GNA15: variants seen among roughly 807,000 people sequenced by gnomAD.
The protein encoded by GNA15 is guanine nucleotide-binding protein subunit alpha-15.
GNA15 carries 23 observed loss-of-function variants against 40.1 expected under a neutral mutation model. The observed-to-expected ratio is 0.57, with a 90% CI of 0.41 to 0.81. The LOEUF is 0.81. Ranked by LOEUF, GNA15 falls within the 40% of genes least tolerant of loss-of-function variation. The probability of loss-of-function intolerance (pLI) is 0.00; values close to 1 mark genes in which losing one functional copy is unlikely to be tolerated. For synonymous variants in GNA15, 226 were observed against 210.4 expected (o/e 1.07, Z -0.64); for missense variants, 522 against 515.8 (o/e 1.01, Z -0.12).
chr19:3,138,174 G>A (rs1914494401), intron 1 of GNA15, among the ~76,000 whole-genome samples: 1 of 152,094 alleles, frequency 6.6e-6, no homozygotes, highest in South Asian at 2.1e-4. Flanking sequence ...GCTGAGGCAG[G>A]AGAATCGCTT....
intron 6 of GNA15, among the ~76,000 whole-genome samples, chr19:3,161,511 C>T (rs1293344652): frequency 2.0e-5 from 3 of 152,144 alleles, no homozygotes; most frequent in Non-Finnish European, 4.4e-5. Context: ...GCCAATTATA[C>T]CCACAAGATT....
chr19:3,144,739 A>G (rs182833854), intron 1 of GNA15, among the ~76,000 whole-genome samples: 16,508 of 151,508 alleles, frequency 0.11, 948 homozygotes, highest in South Asian at 0.14. Flanking sequence ...CGTGTTAGCC[A>G]GGATGGTCTC....
chr19:3,137,503 G>A (rs2144836947), intron 1 of GNA15, among the ~76,000 whole-genome samples: 1 of 152,238 alleles, frequency 6.6e-6, no homozygotes, highest in East Asian at 1.9e-4. Flanking sequence ...CCAAAAATTT[G>A]CCAGGCATGG....
rs1915060376 is a variant in GNA15 at position 3,157,720 on chromosome 19, C to G, written c.745-8C>G. The G allele has an allele frequency of 6.2e-7, 1 of 1,612,610 alleles. No homozygotes were observed. Among genetic ancestry groups the G allele is most frequent in the Admixed American group, 1.7e-5 (1 of 59,940 alleles). ...TGAAGCACTAACCTGCTTCTGCCCC[C>G]AACACAGAACCGCATGAAGGAGAGC... is the stretch of plus-strand genomic sequence containing the variant. On this transcript the variant is annotated splice_polypyrimidine_tract_variant and splice_region_variant and intron_variant, in intron 5 of 6. Transcript: ENST00000262958.
chr19:3,162,304 G>T (rs924431310), intron 6 of GNA15, among the ~76,000 whole-genome samples: 1 of 151,840 alleles, frequency 6.6e-6, no homozygotes, highest in Non-Finnish European at 1.5e-5. Flanking sequence ...CCTGGGCATG[G>T]TGGCAGGCGC....
intron 6 of GNA15, among the ~76,000 whole-genome samples, chr19:3,158,953 C>G (rs537129931): frequency 6.6e-6 from 1 of 151,304 alleles, no homozygotes; most frequent in East Asian, 2.0e-4. Flanking sequence ...TTTTTCTAAT[C>G]TTTCATAGTG....
At chr19:3,148,867 TCAGGGCAGGG>T (rs201896289) in intron 2 of GNA15, 92 bp downstream of exon 2, 16 of 1,200,172 alleles carry the variant, frequency 1.3e-5, no homozygotes, top group African/African-American at 4.4e-5. Flanking sequence ...TCCCCAGACT[TCAGGGCAGGG>T]CAGGGCAGGG....
chr19:3,137,953 T>G (rs1488365490), intron 1 of GNA15, among the ~76,000 whole-genome samples: 1 of 151,452 alleles, frequency 6.6e-6, no homozygotes, highest in Non-Finnish European at 1.5e-5. Context: ...AGAGCAAGAC[T>G]CATTGTCAAT....
chr19:3,157,600 T>TCAGCCC (rs1915057421), intron 5 of GNA15, 128 bp from the exon 6 acceptor site: 1 of 768,178 alleles, frequency 1.3e-6, no homozygotes, highest in Admixed American at 2.4e-5. Flanking sequence ...CACACCCGCC[T>TCAGCCC]CAGCCCCAGC....
intron 1 of GNA15, among the ~76,000 whole-genome samples, chr19:3,143,673 A>AAT (rs1914629655): frequency 1.3e-5 from 2 of 151,810 alleles, no homozygotes; most frequent in Middle Eastern, 3.4e-3. Flanking sequence ...ATAATAATAA[A>AAT]AAATAAAAGC....
chr19:3,140,326 C>G (rs1381291841), intron 1 of GNA15, among the ~76,000 whole-genome samples: 1 of 152,130 alleles, frequency 6.6e-6, no homozygotes, highest in Admixed American at 6.6e-5. Context: ...GATGTCCTCT[C>G]TTTTGCTCTT....
chr19:3,140,275 C>A (rs191425888), intron 1 of GNA15, among the ~76,000 whole-genome samples: 1 of 152,092 alleles, frequency 6.6e-6, no homozygotes, highest in South Asian at 2.1e-4. Context: ...ACATTTATAA[C>A]GTTCCCTTGT....
Position 3,155,846 on chromosome 19 carries a change from A to C in GNA15, c.638A>C (p.Lys213Thr). 6.2e-7 allele frequency: 1 copy of C among 1,613,898 alleles called. No homozygotes were observed. The highest frequency in any genetic ancestry group is 8.5e-7 in the Non-Finnish European group (1 of 1,180,006). Residue 213 changes from lysine (K) to threonine (T), a missense_variant, in exon 5 of 7, where the codon AAG (lysine) becomes ACG (threonine). By Grantham distance (78) the Lys-to-Thr change is moderately conservative. Transcript: ENST00000262958. The surrounding 1 kb of genome is among the most constrained non-coding windows in gnomAD (Gnocchi z 5.6). ...NLRIVDVGGQ[K>T]SERKKWIHCF... is the part of the protein sequence containing the mutation. ...AGGATCGTGGACGTCGGGGGCCAGAAGTCAGAGCGTAAGAAATGGATCCAT... is the reference window on the plus strand; with the variant it reads ...AGGATCGTGGACGTCGGGGGCCAGACGTCAGAGCGTAAGAAATGGATCCAT...
In GNA15 at chr19:3,136,702, G is replaced by T; in HGVS notation, c.145+107G>T. 1.0e-6 allele frequency: 1 copy of T among 990,946 alleles called. No homozygotes were observed. Among genetic ancestry groups the T allele is most frequent in the South Asian group, 1.6e-5 (1 of 61,444 alleles). The allele number at this position is 990,946 out of a possible 1,614,324, so 61.4% of individuals were successfully genotyped here. On this transcript the variant is annotated intron_variant, in intron 1 of 6. Transcript: ENST00000262958. This position sits in a 1 kb window ranked among gnomAD's most constrained non-coding sequence, Gnocchi z 4.9. Reference sequence around the variant, plus strand: ...TCAGGCTAGGTCAGACATTGGCATCGTGGAGCCGTCGCCTCCTCCCAGGGA... The same window carrying T: ...TCAGGCTAGGTCAGACATTGGCATCTTGGAGCCGTCGCCTCCTCCCAGGGA...
intron 1 of GNA15, among the ~76,000 whole-genome samples, chr19:3,143,515 G>A (rs987563630): frequency 6.6e-6 from 1 of 152,090 alleles, no homozygotes; most frequent in Admixed American, 6.6e-5. Context: ...AGCCGGACAC[G>A]GTGGTGCACA....
In GNA15 at chr19:3,136,255, C is replaced by T; in HGVS notation, c.-196C>T. The T allele has an allele frequency of 1.7e-6, 1 of 580,236 alleles. No homozygotes were observed. Among genetic ancestry groups the T allele is most frequent in the Non-Finnish European group, 3.0e-6 (1 of 332,406 alleles). The allele number at this position is 580,236 out of a possible 1,614,324, so 35.9% of individuals were successfully genotyped here. On this transcript the variant is annotated 5_prime_UTR_variant, in exon 1 of 7. Coordinates refer to ENST00000262958, the MANE Select transcript of GNA15 (RefSeq NM_002068.4). The surrounding 1 kb of genome is among the most constrained non-coding windows in gnomAD (Gnocchi z 4.9). ...CCTGTTCCCAGCACTCAAGCCTTGC[C>T]ACCGCCGAGCCGGGCTTCCTGGGTG...
Position 3,157,827 on chromosome 19 carries a change from C to G in GNA15, c.844C>G (p.Leu282Val). 1 of 1,613,670 alleles carries G rather than the reference C, an allele frequency of 6.2e-7. No homozygotes were observed. Among genetic ancestry groups the G allele is most frequent in the South Asian group, 1.1e-5 (1 of 91,080 alleles). Residue 282 changes from leucine (L) to valine (V), a missense_variant, in exon 6 of 7, where the codon CTG (leucine) becomes GTG (valine). Transcript: ENST00000262958. Reference sequence around the variant, plus strand: ...CCTCTTTCTCAACAAAACCGACATCCTGGAGGAGAAAATCCCCACCTCCCA... The same window carrying G: ...CCTCTTTCTCAACAAAACCGACATCGTGGAGGAGAAAATCCCCACCTCCCA... ...VILFLNKTDI[L>V]EEKIPTSHLA...
intron 4 of GNA15, among the ~76,000 whole-genome samples, chr19:3,154,173 A>C (rs1336319280): frequency 9.9e-6 from 1 of 100,734 alleles, no homozygotes; most frequent in Non-Finnish European, 2.4e-5. Flanking sequence ...GGATGGATGG[A>C]TGGATGGATG....
At chr19:3,149,934 T>C in intron 2 of GNA15, 197 bp from the exon 3 acceptor site, 1 of 544,402 alleles carries the variant, frequency 1.8e-6, no homozygotes. Flanking sequence ...GTCTGTGCTT[T>C]TCCCTCTGGG....
Sources: allele counts gnomAD v4.1 joint callset (sites outside exome capture counted in the v4.1 genomes callset), GRCh38; gene constraint gnomAD v4.1.1; non-coding constraint Gnocchi (gnomAD v3.1); transcripts MANE v1.5; gene names NCBI Gene and HGNC (gene_info 2026-07-23, HGNC 2026-07-21).